The following GOLGA3 variants were observed in gnomAD, a reference collection of about 807,000 sequenced individuals.
GOLGA3 encodes golgin A3.
GOLGA3 carries 75 observed loss-of-function variants against 169.4 expected under a neutral mutation model. That is an observed-to-expected ratio of 0.44 (90% confidence interval 0.37 to 0.54). The LOEUF (loss-of-function observed/expected upper bound fraction) is 0.54, where lower values mean the gene tolerates loss of function less well. Ranked by LOEUF, GOLGA3 falls within the 20% of genes least tolerant of loss-of-function variation. GOLGA3 has a pLI of 0.00. For synonymous variants in GOLGA3, 824 were observed against 822.4 expected (o/e 1.00, Z -0.03); for missense variants, 1,899 against 1,930.0 (o/e 0.98, Z 0.30).
rs551281821 is a variant in GOLGA3, at chr12:132,778,488, G to A, written c.3583-683C>T. 1.4e-4 allele frequency among the ~76,000 whole-genome samples: 20 copies of A among 145,646 alleles called. No homozygotes were observed. In the South Asian group the frequency reaches 1.6e-3, roughly 11 times the overall value. On this transcript the variant is annotated intron_variant, in intron 18 of 23. Coordinates refer to ENST00000450791, the MANE Select transcript of GOLGA3 (RefSeq NM_001389683.1). ...CAGGAGGCTGAGGCAGGAGAATGGCGTGAACCCGGGAGGTGGAGCTTGCAG... is the reference window on the plus strand; with the variant it reads ...CAGGAGGCTGAGGCAGGAGAATGGCATGAACCCGGGAGGTGGAGCTTGCAG...
chr12:132,823,979 A>G (rs1397099218), intron 1 of GOLGA3, among the ~76,000 whole-genome samples: 1 of 151,946 alleles, frequency 6.6e-6, no homozygotes, highest in Non-Finnish European at 1.5e-5. Context: ...GCTACTCAGG[A>G]GGCTAAGGCA....
At chr12:132,797,058 C>G (rs1948880784) in intron 9 of GOLGA3, among the ~76,000 whole-genome samples, 1 of 152,212 alleles carries the variant, frequency 6.6e-6, no homozygotes, top group African/African-American at 2.4e-5. Context: ...GACCAGAGGC[C>G]CCCGCAGTGA....
At chr12:132,796,799 T>G in intron 9 of GOLGA3, 99 bp from the exon 10 acceptor site, 1 of 1,191,208 alleles carries the variant, frequency 8.4e-7, no homozygotes, top group Non-Finnish European at 1.2e-6. Flanking sequence ...CGCCCTGGCA[T>G]GGGCCCCATC....
Position 132,822,244 on chromosome 12 carries a change from C to T in GOLGA3, c.-116G>A. ...TCCTGGGAGGGGCCCTACTGTGTCT[C>T]CCATTTTCAGGAGAAGATCTGATGA... On this transcript the variant is annotated 5_prime_UTR_variant, in exon 2 of 24. Transcript: ENST00000450791. 1 of 1,424,178 alleles carries T rather than the reference C, an allele frequency of 7.0e-7. No individual in the cohort carries two copies. The highest frequency in any genetic ancestry group is 3.5e-5 in the Admixed American group (1 of 28,718). The allele number at this position is 1,424,178 out of a possible 1,614,324, so 88.2% of individuals were successfully genotyped here. A position where few individuals can be genotyped will look rare whatever the true frequency, so the allele number is the denominator to read the frequency against.
rs1256488908 is a variant in GOLGA3, at chr12:132,776,173, CTG to C, written c.3978+459_3978+460del. Among the ~76,000 whole-genome samples, 827 of 89,004 alleles carry C rather than the reference CTG, an allele frequency of 9.3e-3. 18 individuals carry two copies. Among genetic ancestry groups the C allele is most frequent in the African/African-American group, 0.022 (736 of 33,204 alleles). The allele number at this position is 89,004 out of a possible 152,430, so 58.4% of individuals were successfully genotyped here. ...CATACACAGGTACCTGCAGCAGCTGCTGTAGCCCCTCCAGCTCCTTCCTCCCT... is the reference window on the plus strand; with the variant it reads ...CATACACAGGTACCTGCAGCAGCTGCTAGCCCCTCCAGCTCCTTCCTCCCT... On this transcript the variant is annotated intron_variant, in intron 21 of 23. Transcript: ENST00000450791.
Position 132,786,719 on chromosome 12 carries a change from G to A in GOLGA3, c.2880C>T (p.Ile960=), listed in dbSNP as rs141660291. The A allele has an allele frequency of 3.7e-4, 587 of 1,607,472 alleles. No homozygotes were observed. Among genetic ancestry groups the A allele is most frequent in the Middle Eastern group, 2.5e-3 (15 of 6,054 alleles). ...TEANEALKKQ[I]EELQQEARKA... Reference sequence around the variant, plus strand: ...TCCGGGCCTCTTGCTGCAACTCTTCGATTTGTTTCTTCAGCGCCTCATTGG... The same window carrying A: ...TCCGGGCCTCTTGCTGCAACTCTTCAATTTGTTTCTTCAGCGCCTCATTGG... The change falls in exon 14 of 24, where the codon ATC becomes ATT. Residue 960 remains isoleucine, a synonymous_variant. Coordinates refer to ENST00000450791, the MANE Select transcript of GOLGA3 (RefSeq NM_001389683.1).
rs1281491623 is a variant in GOLGA3 at position 132,821,847 on chromosome 12, C to A, written c.133+149G>T. On this transcript the variant is annotated intron_variant, in intron 2 of 23. Transcript: ENST00000450791. ...CCAGCCTGGGCGAAAGAGCGAGACT[C>A]CGTCTCAAAAAAAAAAAAAAAAAAA... 6.2e-4 allele frequency: 346 copies of A among 557,388 alleles called. 6 individuals are homozygous for A. Among genetic ancestry groups the A allele is most frequent in the Non-Finnish European group, 6.9e-5 (23 of 331,082 alleles). 34.5% of individuals were successfully genotyped at this position (557,388 alleles called of 1,614,324 possible).
chr12:132,776,350 C>T (rs2045237792), intron 21 of GOLGA3, among the ~76,000 whole-genome samples: 1 of 142,394 alleles, frequency 7.0e-6, no homozygotes, highest in Non-Finnish European at 1.5e-5. Context: ...CCTCCAGCTC[C>T]TTCCTCCCTG....
chr12:132,775,342 G>A (rs778016799), intron 21 of GOLGA3, 37 bp from the exon 22 acceptor site: 6 of 1,556,954 alleles, frequency 3.9e-6, no homozygotes, highest in Non-Finnish European at 5.3e-6. Context: ...AAAGCTAACA[G>A]ATCTTAAACA....
intron 16 of GOLGA3, chr12:132,783,905 T>C (rs750224517): frequency 7.0e-7 from 1 of 1,430,316 alleles, no homozygotes; most frequent in Non-Finnish European, 9.1e-7. Flanking sequence ...AACCAAAGCA[T>C]TTGAACTGAG....
At chr12:132,824,737 G>A (rs1006015528) in intron 1 of GOLGA3, among the ~76,000 whole-genome samples, 1 of 152,126 alleles carries the variant, frequency 6.6e-6, no homozygotes, top group East Asian at 1.9e-4. Flanking sequence ...CGGGTGGGTG[G>A]GTGATAAATG....
intron 10 of GOLGA3, 126 bp from the exon 11 acceptor site, chr12:132,796,346 C>G: frequency 7.9e-7 from 1 of 1,264,942 alleles, no homozygotes; most frequent in Non-Finnish European, 1.1e-6. Flanking sequence ...ACGCACAATC[C>G]TGGTATAGAA....
chr12:132,783,224 C>T lies in GOLGA3; in HGVS notation c.3268-731G>A, dbSNP rs370478466. ...AAAACAAAGAACAATGGACACCACACAACCCTGCGATGGACACCACAGGAC... is the reference window on the plus strand; with the variant it reads ...AAAACAAAGAACAATGGACACCACATAACCCTGCGATGGACACCACAGGAC... On this transcript the variant is annotated intron_variant, in intron 16 of 23. Coordinates refer to ENST00000450791, the MANE Select transcript of GOLGA3 (RefSeq NM_001389683.1). Among the ~76,000 whole-genome samples the T allele has an allele frequency of 1.6e-4, 25 of 152,312 alleles. No homozygotes were observed. In the East Asian group the frequency reaches 4.1e-3, roughly 25 times the overall value.
At chr12:132,800,182 C>A (rs896229036) in intron 8 of GOLGA3, among the ~76,000 whole-genome samples, 1 of 152,106 alleles carries the variant, frequency 6.6e-6, no homozygotes, top group Non-Finnish European at 1.5e-5. Context: ...AATGCTTTTC[C>A]GTATTGTTCT....
intron 12 of GOLGA3, 57 bp downstream of exon 12, chr12:132,791,159 C>T: frequency 1.2e-6 from 1 of 856,600 alleles, no homozygotes. Context: ...AATTAAACCA[C>T]AGAAAACTCT....
chr12:132,770,591 C>T lies in GOLGA3; in HGVS notation c.*2514G>A, dbSNP rs1225961704. ...GGACTTCCCATAAGCAAGGAGAAGT[C>T]GCTCCCCACTGAATGTGTGATTTCT... On this transcript the variant is annotated 3_prime_UTR_variant, in exon 24 of 24. Transcript: ENST00000450791. 6.6e-6 allele frequency: 1 copy of T among 152,058 alleles called. No homozygotes were observed. Among genetic ancestry groups the T allele is most frequent in the African/African-American group, 2.4e-5 (1 of 41,390 alleles). 9.4% of individuals were successfully genotyped at this position (152,058 alleles called of 1,614,324 possible).
intron 1 of GOLGA3, among the ~76,000 whole-genome samples, chr12:132,822,994 C>A (rs1950279206): frequency 6.6e-6 from 1 of 152,218 alleles, no homozygotes; most frequent in Non-Finnish European, 1.5e-5. Flanking sequence ...CTGCCCAAGG[C>A]CACGGCTCCT....
At chr12:132,797,365 T>C (rs957886844) in intron 9 of GOLGA3, among the ~76,000 whole-genome samples, 5 of 152,096 alleles carry the variant, frequency 3.3e-5, no homozygotes, top group African/African-American at 1.2e-4. Flanking sequence ...GCCTTGGGGT[T>C]TTACACCATT....
Position 132,772,649 on chromosome 12 carries a change from G to C in GOLGA3, c.*456C>G, listed in dbSNP as rs1260014726. ...CCAAAAAAACAAGTAAAAAGCCAAAGGTACAGATAAAATTTCATTTCTGCG... is the reference window on the plus strand; with the variant it reads ...CCAAAAAAACAAGTAAAAAGCCAAACGTACAGATAAAATTTCATTTCTGCG... On this transcript the variant is annotated 3_prime_UTR_variant, in exon 24 of 24. Transcript: ENST00000450791. 1 of 153,568 alleles carries C rather than the reference G, an allele frequency of 6.5e-6. No homozygotes were observed. The highest frequency in any genetic ancestry group is 2.4e-5 in the African/African-American group (1 of 41,348). The allele number at this position is 153,568 out of a possible 1,614,324, so 9.5% of individuals were successfully genotyped here. A position where few individuals can be genotyped will look rare whatever the true frequency, so the allele number is the denominator to read the frequency against.
Sources: allele counts gnomAD v4.1 joint callset (sites outside exome capture counted in the v4.1 genomes callset), GRCh38; gene constraint gnomAD v4.1.1; transcripts MANE v1.5; gene names NCBI Gene and HGNC (gene_info 2026-07-23, HGNC 2026-07-21).